C12orf76: variants seen among roughly 807,000 people sequenced by gnomAD.
C12orf76 encodes chromosome 12 open reading frame 76.
C12orf76 carries 6 observed loss-of-function variants against 6.8 expected under a neutral mutation model. That is an observed-to-expected ratio of 0.88 (90% CI 0.48 to 1.73). The LOEUF is 1.73. C12orf76 is among the 40% of genes most tolerant of loss of function. C12orf76 has a pLI of 0.01. For missense variants in C12orf76, 99 were observed against 98.2 expected (o/e 1.01, Z -0.03); for synonymous variants, 56 against 43.7 (o/e 1.28, Z -1.11).
At chr12:110,048,310 A>T in intron 1 of C12orf76, 53 bp downstream of exon 1, 1 of 1,447,762 alleles carries the variant, frequency 6.9e-7, no homozygotes, top group Non-Finnish European at 9.1e-7. Flanking sequence ...CAGCACCCGG[A>T]GCAGTGAAAG....
chr12:110,068,247 AAAGAAGAAGAAGAAGAAGAAGAAG>A (rs4042063), upstream of C12orf76, among the ~76,000 whole-genome samples: 407 of 63,800 alleles, frequency 6.4e-3, 1 homozygote, highest in East Asian at 0.017. Context: ...GAAGAAGAAG[AAAGAAGAAGAAGAAGAAGAAGAAG>A]AAGAAGAAGA....
At chr12:110,047,290 T>C (rs992099448) in intron 1 of C12orf76, among the ~76,000 whole-genome samples, 1 of 152,146 alleles carries the variant, frequency 6.6e-6, no homozygotes, top group Non-Finnish European at 1.5e-5. Flanking sequence ...CAACTTATGT[T>C]TCAAGCCCCC....
chr12:110,062,355 C>T lies in C12orf76; in HGVS notation n.381-3192G>A, dbSNP rs925829474. On this transcript the variant is annotated intron_variant and non_coding_transcript_variant, in intron 2 of 4. Coordinates refer to the C12orf76 transcript ENST00000309050. Reference sequence around the variant, plus strand: ...GCTGAATTTAAGAAGAAAGATTGTCCAGGAAAGACAAATCTATAGAGGCAT... The same window carrying T: ...GCTGAATTTAAGAAGAAAGATTGTCTAGGAAAGACAAATCTATAGAGGCAT... Among the ~76,000 whole-genome samples, 3 of 152,040 alleles carry T rather than the reference C, an allele frequency of 2.0e-5. No homozygotes were observed. The South Asian group carries it at 6.2e-4, about 32-fold the overall frequency.
At chr12:110,060,773 T>C (rs1035941969) in intron 2 of C12orf76, among the ~76,000 whole-genome samples, 6 of 152,090 alleles carry the variant, frequency 3.9e-5, no homozygotes, top group Non-Finnish European at 7.4e-5. Context: ...CAGTGGTTCA[T>C]GCCTGAAATC....
At chr12:110,064,779 T>A (rs189450745) in intron 2 of C12orf76, among the ~76,000 whole-genome samples, 134 of 152,098 alleles carry the variant, frequency 8.8e-4, no homozygotes, top group African/African-American at 3.0e-3. Flanking sequence ...CCAGACAAAT[T>A]GCTCCTTCCT....
In C12orf76 at chr12:110,042,209, A is replaced by G; in HGVS notation, c.*165T>C. 1 of 611,400 alleles carries G rather than the reference A, an allele frequency of 1.6e-6. No individual in the cohort carries two copies. 37.9% of individuals were successfully genotyped at this position (611,400 alleles called of 1,614,324 possible). On this transcript the variant is annotated 3_prime_UTR_variant, in exon 2 of 2. Coordinates refer to ENST00000615315, the MANE Select transcript of C12orf76 (RefSeq NM_001389625.1). Reference sequence around the variant, plus strand: ...ATTTGCGCTACAGTGTTAGGAAAAAATAATGTCTAGTACATGTTTTCTTCT... The same window carrying G: ...ATTTGCGCTACAGTGTTAGGAAAAAGTAATGTCTAGTACATGTTTTCTTCT...
upstream of C12orf76, among the ~76,000 whole-genome samples, chr12:110,069,874 G>T (rs965378093): frequency 6.6e-6 from 1 of 152,188 alleles, no homozygotes; most frequent in Non-Finnish European, 1.5e-5. Flanking sequence ...TGTAAGTTAT[G>T]ATTTCATCAT....
chr12:110,046,842 G>T (rs1169944426), intron 1 of C12orf76, among the ~76,000 whole-genome samples: 1 of 152,106 alleles, frequency 6.6e-6, no homozygotes, highest in African/African-American at 2.4e-5. Flanking sequence ...TTAGGAGTAG[G>T]GGGTGCTACT....
chr12:110,052,304 C>T (rs181772296), upstream of C12orf76, among the ~76,000 whole-genome samples: 1 of 152,102 alleles, frequency 6.6e-6, no homozygotes, highest in Non-Finnish European at 1.5e-5. Flanking sequence ...AGTCGATCCT[C>T]CCACCTCAGC....
At chr12:110,066,390 A>AC in intron 1 of C12orf76, among the ~76,000 whole-genome samples, 1 of 145,412 alleles carries the variant, frequency 6.9e-6, no homozygotes, top group African/African-American at 2.6e-5. Context: ...AAAAAAAAAA[A>AC]AAAAAAAAAA....
At chr12:110,067,637 A>C in exon 1 of C12orf76, 2 of 933,802 alleles carry the variant, frequency 2.1e-6, no homozygotes, top group Non-Finnish European at 2.6e-6. Flanking sequence ...CGGCCTCTCA[A>C]AGTATTGGGA....
At chr12:110,048,767 G>A (rs1892520481), upstream of C12orf76, 4 of 821,598 alleles carry the variant, frequency 4.9e-6, no homozygotes, top group Non-Finnish European at 6.3e-6. Flanking sequence ...GCTGTGGTTA[G>A]CGTTCCCTCA....
At chr12:110,073,119 A>G (rs983339786) in intron 1 of C12orf76, among the ~76,000 whole-genome samples, 25 of 152,186 alleles carry the variant, frequency 1.6e-4, no homozygotes, top group Admixed American at 1.6e-3. Flanking sequence ...CTCCCTGGGA[A>G]TCCAGGATGT....
chr12:110,048,497 T>C lies in C12orf76; in HGVS notation c.-2A>G. 1.4e-6 allele frequency: 2 copies of C among 1,439,188 alleles called. No individual in the cohort carries two copies. Among genetic ancestry groups the C allele is most frequent in the Non-Finnish European group, 1.8e-6 (2 of 1,096,882 alleles). The allele number at this position is 1,439,188 out of a possible 1,614,324, so 89.2% of individuals were successfully genotyped here. ...CCACGGTAACGCTGGACGCAGCATCTTCCCCAGCCCTGCAGAAGCAGAGAG... is the reference window on the plus strand; with the variant it reads ...CCACGGTAACGCTGGACGCAGCATCCTCCCCAGCCCTGCAGAAGCAGAGAG... On this transcript the variant is annotated 5_prime_UTR_variant, in exon 1 of 2. Transcript: ENST00000615315.
upstream of C12orf76, among the ~76,000 whole-genome samples, chr12:110,053,516 G>T (rs950835690): frequency 6.6e-6 from 1 of 152,068 alleles, no homozygotes. Context: ...AAACAAAAAA[G>T]TTCCCAGCTG....
rs1892337954 is a variant in C12orf76 at position 110,042,392 on chromosome 12, C to T, written c.201G>A (p.Lys67=). 2 of 1,614,104 alleles carry T rather than the reference C, an allele frequency of 1.2e-6. No individual in the cohort carries two copies. Among genetic ancestry groups the T allele is most frequent in the Non-Finnish European group, 1.7e-6 (2 of 1,179,960 alleles). ...TVILMAFCVY[K]PIRRR ...CTGGCTGTCACCGACGCCGAATGGGCTTGTAGACACAAAATGCCATAAGGA... is the reference window on the plus strand; with the variant it reads ...CTGGCTGTCACCGACGCCGAATGGGTTTGTAGACACAAAATGCCATAAGGA... The change falls in exon 2 of 2, where the codon AAG becomes AAA. Residue 67 remains lysine (K), a synonymous_variant. Transcript: ENST00000615315.
At chr12:110,057,278 C>A in exon 4 of C12orf76, 2 of 1,613,332 alleles carry the variant, frequency 1.2e-6, no homozygotes, top group Non-Finnish European at 1.7e-6. Flanking sequence ...CAGCAAAGTT[C>A]CTCTCCCCCT....
upstream of C12orf76, among the ~76,000 whole-genome samples, chr12:110,052,266 TCA>T (rs1892591813): frequency 6.6e-6 from 1 of 151,144 alleles, no homozygotes; most frequent in Admixed American, 6.6e-5. Context: ...CAATCATAGC[TCA>T]CTGCAGCCTC....
chr12:110,063,865 C>G (rs1282084749), intron 2 of C12orf76, among the ~76,000 whole-genome samples: 1 of 151,966 alleles, frequency 6.6e-6, no homozygotes, highest in Non-Finnish European at 1.5e-5. Context: ...CAAGATCACG[C>G]CACTGCAGTC....
Sources: gnomAD v4.1 joint callset for allele counts (sites outside exome capture counted in the v4.1 genomes callset) on GRCh38, gnomAD v4.1.1 for gene constraint, MANE v1.5 for transcripts, NCBI Gene and HGNC (gene_info 2026-07-23, HGNC 2026-07-21) for gene names.